CTNND2: variants seen among roughly 807,000 people sequenced by gnomAD.
The protein encoded by CTNND2 is catenin delta 2, also known as catenin delta-2.
In CTNND2, 22 loss-of-function variants were observed where a neutral mutation model predicts 144.4. The ratio of observed to expected loss-of-function variants is 0.15; its 90% CI spans 0.11 to 0.22. CTNND2 has a LOEUF of 0.22. Among genes scored for constraint, CTNND2 ranks in the 10% least tolerant of loss-of-function variants. CTNND2 has a pLI of 1.00. For missense variants in CTNND2, 1,353 were observed against 1,618.8 expected, an observed-to-expected ratio of 0.84 and a Z score of 2.82; for synonymous variants, 751 against 695.6, an observed-to-expected ratio of 1.08 and a Z score of -1.25.
At chr5:11,456,888 C>G (rs1314658255) in intron 3 of CTNND2, among the ~76,000 whole-genome samples, 3 of 152,112 alleles carry the variant, frequency 2.0e-5, no homozygotes, top group African/African-American at 7.2e-5. Context: ...AAATGAAAAT[C>G]TAGAACTCTG....
intron 12 of CTNND2, among the ~76,000 whole-genome samples, chr5:11,145,327 C>T (rs988211411): frequency 2.3e-5 from 3 of 127,834 alleles, no homozygotes; most frequent in Non-Finnish European, 5.6e-5. Flanking sequence ...CTGCACAGCT[C>T]AGCCTCCCTT....
At chr5:11,042,603 C>G (rs116143070) in intron 16 of CTNND2, among the ~76,000 whole-genome samples, 1 of 152,198 alleles carries the variant, frequency 6.6e-6, no homozygotes, top group African/African-American at 2.4e-5. Context: ...CTGGGACTTA[C>G]CAGCCAAGCC....
Position 11,645,927 on chromosome 5 carries a change from AT to A in CTNND2, c.175-80872del, listed in dbSNP as rs200735565. ...ATTATTTATCTAGCTTTATTGTTTTATTTTTTTTAAATTTAAAATCCTATCT... is the reference window on the plus strand; with the variant it reads ...ATTATTTATCTAGCTTTATTGTTTTATTTTTTTAAATTTAAAATCCTATCT... On this transcript the variant is annotated intron_variant, in intron 2 of 21. Transcript: ENST00000304623. Among the ~76,000 whole-genome samples, 444 of 151,896 alleles carry A rather than the reference AT, an allele frequency of 2.9e-3. 2 individuals are homozygous for A. The highest frequency in any genetic ancestry group is 8.2e-3 in the African/African-American group (338 of 41,398).
At chr5:11,637,636 T>TA (rs1781780389) in intron 2 of CTNND2, among the ~76,000 whole-genome samples, 1 of 152,170 alleles carries the variant, frequency 6.6e-6, no homozygotes, top group East Asian at 1.9e-4. Flanking sequence ...CTGAAAATCA[T>TA]AATAATGACA....
chr5:11,487,387 T>C (rs1768929151), intron 3 of CTNND2, among the ~76,000 whole-genome samples: 1 of 152,188 alleles, frequency 6.6e-6, no homozygotes, highest in Admixed American at 6.5e-5. Flanking sequence ...ATTTTTACTA[T>C]AATTTAAAAA....
intron 12 of CTNND2, among the ~76,000 whole-genome samples, chr5:11,138,040 T>C (rs1475706842): frequency 6.6e-6 from 1 of 152,256 alleles, no homozygotes; most frequent in Non-Finnish European, 1.5e-5. Flanking sequence ...TTTCCTTGCT[T>C]ATTCAGCTTA....
At chr5:11,592,158 G>GCCTT (rs1561599800) in intron 2 of CTNND2, among the ~76,000 whole-genome samples, 75 of 133,852 alleles carry the variant, frequency 5.6e-4, no homozygotes, top group Non-Finnish European at 8.7e-4. Context: ...CTGCCTTCCT[G>GCCTT]CCTGCCTGCC....
intron 9 of CTNND2, among the ~76,000 whole-genome samples, chr5:11,339,525 G>A (rs1469938310): frequency 6.6e-6 from 1 of 152,178 alleles, no homozygotes; most frequent in Non-Finnish European, 1.5e-5. Flanking sequence ...ACTGTGAGAT[G>A]ATAAGTTTCT....
At chr5:11,381,481 T>C (rs1269013982) in intron 7 of CTNND2, among the ~76,000 whole-genome samples, 1 of 152,220 alleles carries the variant, frequency 6.6e-6, no homozygotes, top group Non-Finnish European at 1.5e-5. Flanking sequence ...CCCCGTGGTC[T>C]CCTTGCTACT....
At chr5:11,660,306 C>T (rs1581682752) in intron 2 of CTNND2, among the ~76,000 whole-genome samples, 1 of 151,880 alleles carries the variant, frequency 6.6e-6, no homozygotes, top group African/African-American at 2.4e-5. Flanking sequence ...GAGTATGGTA[C>T]GAGAAAAGTA....
intron 16 of CTNND2, among the ~76,000 whole-genome samples, chr5:11,051,502 T>C (rs1745820273): frequency 6.6e-6 from 1 of 152,248 alleles, no homozygotes; most frequent in Non-Finnish European, 1.5e-5. Flanking sequence ...CTCTTGATTG[T>C]ATCTACATCT....
At chr5:11,641,591 T>C (rs1207141625) in intron 2 of CTNND2, among the ~76,000 whole-genome samples, 1 of 139,762 alleles carries the variant, frequency 7.2e-6, no homozygotes, top group African/African-American at 3.2e-5. Context: ...TATATACATA[T>C]ACGTGTGTGT....
chr5:11,447,866 C>T (rs1764966450), intron 3 of CTNND2, among the ~76,000 whole-genome samples: 1 of 152,216 alleles, frequency 6.6e-6, no homozygotes, highest in African/African-American at 2.4e-5. Context: ...TTTGTGATCA[C>T]ATCCCATGAA....
intron 2 of CTNND2, among the ~76,000 whole-genome samples, chr5:11,675,441 A>G (rs1784123954): frequency 6.6e-6 from 1 of 152,092 alleles, no homozygotes; most frequent in Non-Finnish European, 1.5e-5. Context: ...GAGGGAGGAA[A>G]GGCAACCAGC....
Position 11,077,278 on chromosome 5 carries a change from A to G in CTNND2, c.2788+5418T>C, listed in dbSNP as rs568716926. On this transcript the variant is annotated intron_variant, in intron 16 of 21. Coordinates refer to ENST00000304623, the MANE Select transcript of CTNND2 (RefSeq NM_001332.4). Reference sequence around the variant, plus strand: ...GGAAATAAAACAAGATGAATAAGTAATACATTATATATTAGAAGGTAATTG... The same window carrying G: ...GGAAATAAAACAAGATGAATAAGTAGTACATTATATATTAGAAGGTAATTG... Among the ~76,000 whole-genome samples, 4 of 152,332 alleles carry G rather than the reference A, an allele frequency of 2.6e-5. No homozygotes were observed. The East Asian group carries it at 7.7e-4, about 29-fold the overall frequency.
chr5:11,769,171 G>A (rs4643957), intron 1 of CTNND2, among the ~76,000 whole-genome samples: 130,364 of 152,018 alleles, frequency 0.86, 58,829 homozygotes, highest in South Asian at 0.99. Flanking sequence ...GGTCACTTTC[G>A]GGACTACCTG....
At chr5:11,831,816 G>A (rs1329838070) in intron 1 of CTNND2, among the ~76,000 whole-genome samples, 1 of 152,024 alleles carries the variant, frequency 6.6e-6, no homozygotes, top group Non-Finnish European at 1.5e-5. Context: ...TTGTATATAA[G>A]CATGAAAAGA....
chr5:10,974,055 T>C (rs1736144640), intron 21 of CTNND2, among the ~76,000 whole-genome samples: 1 of 152,228 alleles, frequency 6.6e-6, no homozygotes, highest in African/African-American at 2.4e-5. Flanking sequence ...TCCACCACTT[T>C]TTAAATCATC....
intron 10 of CTNND2, among the ~76,000 whole-genome samples, chr5:11,226,146 C>T (rs539365204): frequency 4.0e-4 from 61 of 152,304 alleles, no homozygotes; most frequent in African/African-American, 1.4e-3. Context: ...TTCCATTGTT[C>T]CACATCTCTC....
Sources: allele counts gnomAD v4.1 joint callset (sites outside exome capture counted in the v4.1 genomes callset), GRCh38; gene constraint gnomAD v4.1.1; transcripts MANE v1.5; gene names NCBI Gene and HGNC (gene_info 2026-07-23, HGNC 2026-07-21).